SCMH1: variants seen among roughly 807,000 people sequenced by gnomAD.
SCMH1 encodes polycomb protein SCMH1.
In SCMH1, 37 loss-of-function variants were observed where a neutral mutation model predicts 70.8. The ratio of observed to expected loss-of-function variants is 0.52; its 90% CI spans 0.40 to 0.69. SCMH1 has a LOEUF of 0.69. Among genes scored for constraint, SCMH1 ranks in the 30% least tolerant of loss-of-function variants. The pLI, the probability that SCMH1 is intolerant of heterozygous loss-of-function variation, is 0.00. For synonymous variants in SCMH1, 292 were observed against 307.4 expected, an observed-to-expected ratio of 0.95 and a Z score of 0.52; for missense variants, 607 against 827.3, an observed-to-expected ratio of 0.73 and a Z score of 3.27.
chr1:41,060,577 C>G (rs1652263568), intron 10 of SCMH1, among the ~76,000 whole-genome samples: 2 of 151,754 alleles, frequency 1.3e-5, no homozygotes. Flanking sequence ...AAACTTCGAT[C>G]TATATAAAGA....
At chr1:41,039,157 G>A (rs1645737256) in intron 12 of SCMH1, among the ~76,000 whole-genome samples, 1 of 152,202 alleles carries the variant, frequency 6.6e-6, no homozygotes. Flanking sequence ...ATTTTATTCA[G>A]CTAAGACTGG....
intron 8 of SCMH1, among the ~76,000 whole-genome samples, chr1:41,088,545 G>A (rs1441062999): frequency 3.3e-5 from 5 of 152,056 alleles, no homozygotes; most frequent in Non-Finnish European, 7.4e-5. Flanking sequence ...ATAACTCGTT[G>A]CAGCCTCGGA....
intron 10 of SCMH1, among the ~76,000 whole-genome samples, chr1:41,062,477 C>A (rs1653022192): frequency 6.6e-6 from 1 of 151,914 alleles, no homozygotes; most frequent in Admixed American, 6.6e-5. Context: ...TGCCTTGGCT[C>A]ACACCTGTAA....
chr1:41,136,254 T>C (rs1643296846), intron 6 of SCMH1, among the ~76,000 whole-genome samples: 1 of 152,200 alleles, frequency 6.6e-6, no homozygotes, highest in Non-Finnish European at 1.5e-5. Context: ...CCATGTTTTC[T>C]ATATCTGTTT....
intron 10 of SCMH1, among the ~76,000 whole-genome samples, chr1:41,060,730 A>T (rs1005452553): frequency 6.6e-6 from 1 of 152,102 alleles, no homozygotes; most frequent in Non-Finnish European, 1.5e-5. Context: ...CTGCAGCCTC[A>T]ATCTCCCAGG....
chr1:41,154,239 G>A (rs2148359139), intron 4 of SCMH1, among the ~76,000 whole-genome samples: 1 of 152,308 alleles, frequency 6.6e-6, no homozygotes, highest in East Asian at 1.9e-4. Context: ...TAGGCTCCAA[G>A]TGTGGCCTGA....
intron 8 of SCMH1, among the ~76,000 whole-genome samples, chr1:41,106,710 G>A (rs946137935): frequency 2.6e-5 from 4 of 151,264 alleles, no homozygotes; most frequent in Non-Finnish European, 5.9e-5. Flanking sequence ...CTTTTTTTGA[G>A]ATGGAGTCTC....
intron 10 of SCMH1, among the ~76,000 whole-genome samples, chr1:41,063,244 C>A (rs576728079): frequency 6.6e-6 from 1 of 152,154 alleles, no homozygotes; most frequent in African/African-American, 2.4e-5. Flanking sequence ...GAGGCTGAGG[C>A]GGGCGGATCA....
Position 41,177,330 on chromosome 1 carries a change from C to A in SCMH1, c.13+8791G>T, listed in dbSNP as rs185024264. The stretch of plus-strand genomic sequence containing the variant: ...AAACTGGAAACTCTAAAAATCAGAG[C>A]GCCTCTCCTCCTCCAAAGGAACACA... On this transcript the variant is annotated intron_variant, in intron 2 of 14. Coordinates refer to ENST00000337495, the Ensembl canonical transcript of SCMH1. Among the ~76,000 whole-genome samples, 187 of 152,248 alleles carry A rather than the reference C, an allele frequency of 1.2e-3. 6 individuals are homozygous for A. The East Asian group carries it at 0.036, about 29-fold the overall frequency.
At chr1:41,035,381 CAGA>C (rs1418189303) in intron 13 of SCMH1, among the ~76,000 whole-genome samples, 14 of 152,194 alleles carry the variant, frequency 9.2e-5, no homozygotes, top group Admixed American at 9.2e-4. Context: ...CTAAGAATCA[CAGA>C]AGAAAACCAT....
chr1:41,208,435 TAA>T (rs149379351), intron 1 of SCMH1, among the ~76,000 whole-genome samples: 8 of 129,702 alleles, frequency 6.2e-5, no homozygotes, highest in African/African-American at 1.8e-4. Flanking sequence ...AGAAAAAAAT[TAA>T]AAAAAAAAAA....
chr1:41,060,909 C>A (rs2148807010), intron 10 of SCMH1, among the ~76,000 whole-genome samples: 1 of 152,238 alleles, frequency 6.6e-6, no homozygotes, highest in South Asian at 2.1e-4. Flanking sequence ...TTGGCGACTC[C>A]TAAGCTCAAG....
At chr1:41,227,898 A>G (rs897922048) in intron 1 of SCMH1, among the ~76,000 whole-genome samples, 2 of 152,178 alleles carry the variant, frequency 1.3e-5, no homozygotes, top group Non-Finnish European at 2.9e-5. Flanking sequence ...GAATCATGTG[A>G]ACCCTGGAGG....
chr1:41,168,745 TAGG>T (rs955670557), intron 2 of SCMH1, among the ~76,000 whole-genome samples: 1 of 151,850 alleles, frequency 6.6e-6, no homozygotes, highest in African/African-American at 2.4e-5. Context: ...TGGCCTCATG[TAGG>T]AGAAGGATCT....
intron 1 of SCMH1, among the ~76,000 whole-genome samples, chr1:41,224,982 A>T (rs1264106416): frequency 6.6e-6 from 1 of 152,186 alleles, no homozygotes; most frequent in African/African-American, 2.4e-5. Context: ...CTTTTTCCAG[A>T]GGGCAAACAG....
intron 4 of SCMH1, among the ~76,000 whole-genome samples, chr1:41,156,916 G>A (rs563439278): frequency 6.6e-6 from 1 of 151,414 alleles, no homozygotes; most frequent in East Asian, 1.9e-4. Context: ...TTCCTGCCTC[G>A]GACTCCCAAA....
At chr1:41,183,578 C>T (rs1649395594) in intron 2 of SCMH1, among the ~76,000 whole-genome samples, 1 of 140,420 alleles carries the variant, frequency 7.1e-6, no homozygotes, top group African/African-American at 2.5e-5. Context: ...TACATTTATG[C>T]CTGTCAGTGT....
chr1:41,059,332 T>C (rs1436184910), intron 10 of SCMH1, among the ~76,000 whole-genome samples: 1 of 152,046 alleles, frequency 6.6e-6, no homozygotes, highest in Non-Finnish European at 1.5e-5. Flanking sequence ...CCTGTACCCA[T>C]ATAAACCCCA....
intron 8 of SCMH1, among the ~76,000 whole-genome samples, chr1:41,101,951 C>A (rs1333625414): frequency 6.6e-6 from 1 of 152,064 alleles, no homozygotes; most frequent in Non-Finnish European, 1.5e-5. Flanking sequence ...CTAGTGTATA[C>A]CTGAATAAAA....
Sources: allele counts gnomAD v4.1 joint callset (sites outside exome capture counted in the v4.1 genomes callset), GRCh38; gene constraint gnomAD v4.1.1; transcripts MANE v1.5; gene names NCBI Gene and HGNC (gene_info 2026-07-23, HGNC 2026-07-21).